SPAG17: variants seen among roughly 807,000 people sequenced by gnomAD.
SPAG17 encodes sperm associated antigen 17, also known as sperm-associated antigen 17.
In SPAG17, 169 loss-of-function variants were observed where a neutral mutation model predicts 273.6. The ratio of observed to expected loss-of-function variants is 0.62; its 90% CI spans 0.55 to 0.70. The LOEUF is 0.70. Among genes scored for constraint, SPAG17 ranks in the 30% least tolerant of loss-of-function variants. The pLI, the probability that SPAG17 is intolerant of heterozygous loss-of-function variation, is 0.00. For missense variants in SPAG17, 2,557 were observed against 2,627.8 expected, an observed-to-expected ratio of 0.97 and a Z score of 0.59; for synonymous variants, 825 against 873.2, an observed-to-expected ratio of 0.94 and a Z score of 0.97.
intron 3 of SPAG17, among the ~76,000 whole-genome samples, chr1:118,145,554 G>A (rs1362949799): frequency 1.3e-5 from 2 of 151,980 alleles, no homozygotes; most frequent in Non-Finnish European, 2.9e-5. Context: ...AACTGCATTT[G>A]GTCCATTATT....
chr1:118,039,438 G>A lies in SPAG17; in HGVS notation c.3173C>T (p.Thr1058Ile), dbSNP rs752439820. The A allele has an allele frequency of 6.2e-7, 1 of 1,613,020 alleles. No homozygotes were observed. The highest frequency in any genetic ancestry group is 1.3e-5 in the African/African-American group (1 of 74,822). The change falls in exon 23 of 49, where the codon ACT (threonine) becomes ATT (isoleucine). Residue 1058 changes from threonine (T) to isoleucine (I), a missense_variant. Thr to Ile is a moderately conservative substitution (Grantham distance 89, BLOSUM62 -1). Transcript: ENST00000336338. ...VEKTMFEKGP[T>I]FIKVRVVKDN... ...CTTTACCACTCTCACTTTGATAAAA[G>A]TTGGGCCTGAGGAGGAACCATAGAA...
intron 3 of SPAG17, among the ~76,000 whole-genome samples, chr1:118,129,620 A>C: frequency 6.6e-6 from 1 of 150,688 alleles, no homozygotes; most frequent in Non-Finnish European, 1.5e-5. Flanking sequence ...TATTTCCTTA[A>C]TTTCTTTCTC....
intron 46 of SPAG17, 73 bp downstream of exon 46, chr1:117,969,983 A>G (rs1212265360): frequency 1.7e-5 from 23 of 1,379,648 alleles, no homozygotes; most frequent in Middle Eastern, 1.8e-4. Context: ...TTCAAAGCCC[A>G]CTTCACTGGA....
intron 4 of SPAG17, among the ~76,000 whole-genome samples, chr1:118,112,613 T>G (rs1428673064): frequency 1.3e-5 from 2 of 152,128 alleles, no homozygotes; most frequent in Non-Finnish European, 2.9e-5. Context: ...TGCATTTTCT[T>G]CATGATATTT....
chr1:118,098,502 T>C lies in SPAG17; in HGVS notation c.830-651A>G, dbSNP rs187486450. 2.6e-4 allele frequency among the ~76,000 whole-genome samples: 40 copies of C among 151,838 alleles called. 1 individual carries two copies. The highest frequency in any genetic ancestry group is 2.6e-3 in the Admixed American group (39 of 15,250). ...CTATTATAAAGTCTATTTTTTAATA[T>C]TTTATTTTTATATATTAAATATTTT... On this transcript the variant is annotated intron_variant, in intron 6 of 48. Transcript: ENST00000336338.
intron 1 of SPAG17, among the ~76,000 whole-genome samples, chr1:118,182,900 G>A (rs1469244888): frequency 2.0e-5 from 3 of 152,068 alleles, no homozygotes; most frequent in Non-Finnish European, 4.4e-5. Context: ...AGAATGCTTT[G>A]TATTATTTGC....
At chr1:117,962,977 C>G (rs1225740883) in intron 48 of SPAG17, 1 of 152,234 alleles carries the variant, frequency 6.6e-6, no homozygotes, top group Non-Finnish European at 1.5e-5. Flanking sequence ...AATCCACCCC[C>G]ATTCCTCACA....
At position 118,064,417 on chromosome 1, in the gene SPAG17, A is replaced by T. The variant is rs377262745; in HGVS notation, c.2540+2328T>A. Among the ~76,000 whole-genome samples the T allele has an allele frequency of 2.6e-4, 39 of 150,940 alleles. 2 individuals are homozygous for T. The South Asian group carries it at 6.8e-3, about 26-fold the overall frequency. ...AATACTATGCAGCCATAAAAAATGA[A>T]GAGTTCATGTCCTTTGTAGGGACAT... On this transcript the variant is annotated intron_variant, in intron 18 of 48. Coordinates refer to ENST00000336338, the MANE Select transcript of SPAG17 (RefSeq NM_206996.4).
rs1654956158 is a variant in SPAG17 at position 118,085,919 on chromosome 1, C to T, written c.1762+3G>A. On this transcript the variant is annotated splice_donor_region_variant and intron_variant, in intron 13 of 48. Coordinates refer to ENST00000336338, the MANE Select transcript of SPAG17 (RefSeq NM_206996.4). ...TTAAGCTAAGACAAAGCAATGGACT[C>T]ACCACTCGTACAAAAGTGCATAAGC... The T allele has an allele frequency of 6.3e-7, 1 of 1,597,934 alleles. No homozygotes were observed. The highest frequency in any genetic ancestry group is 1.8e-5 in the Admixed American group (1 of 56,200).
At chr1:118,105,293 C>T (rs1417320042) in intron 4 of SPAG17, among the ~76,000 whole-genome samples, 5 of 152,144 alleles carry the variant, frequency 3.3e-5, no homozygotes, top group Non-Finnish European at 5.9e-5. Flanking sequence ...GGGGAGCAAG[C>T]TTACCGAGGT....
intron 48 of SPAG17, chr1:117,959,149 T>C: frequency 7.5e-7 from 1 of 1,327,052 alleles, no homozygotes; most frequent in Non-Finnish European, 1.0e-6. Flanking sequence ...TTAGTAGGAA[T>C]AGAAAAAACA....
At position 118,008,218 on chromosome 1, in the gene SPAG17, A is replaced by G. The variant is rs1374940491; in HGVS notation, c.4433-20T>C. ...CCTCGGCTACAAGCAAATGCAAGGT[A>G]AGCAGATCTGATAGGATGTAGACAT... On this transcript the variant is annotated intron_variant, in intron 30 of 48. Transcript: ENST00000336338. The G allele has an allele frequency of 1.2e-6, 2 of 1,612,846 alleles. No individual in the cohort carries two copies. Among genetic ancestry groups the G allele is most frequent in the Admixed American group, 1.7e-5 (1 of 59,858 alleles).
chr1:117,984,715 T>C lies in SPAG17; in HGVS notation c.5737A>G (p.Lys1913Glu), dbSNP rs1336945135. 3.7e-6 allele frequency: 6 copies of C among 1,609,738 alleles called. No homozygotes were observed. The highest frequency in any genetic ancestry group is 5.1e-6 in the Non-Finnish European group (6 of 1,176,750). ...TGATATAACTGGTTCAATTCAGATT[T>C]AAAAAAGGGTGGTATTATGCGGTTC... ...IKNRIIPPFFKSELNQLYQSQ... is the reference protein window; with the variant it reads ...IKNRIIPPFFESELNQLYQSQ... Residue 1913 changes from lysine (K) to glutamate (E), a missense_variant, in exon 41 of 49, where the codon AAA becomes GAA. Coordinates refer to ENST00000336338, the MANE Select transcript of SPAG17 (RefSeq NM_206996.4).
chr1:118,031,553 G>A (rs1357226133), intron 25 of SPAG17, 139 bp downstream of exon 25: 3 of 888,592 alleles, frequency 3.4e-6, no homozygotes, highest in Non-Finnish European at 5.1e-6. Flanking sequence ...ATTCAAAGTT[G>A]AGACTACAAG....
intron 48 of SPAG17, chr1:117,958,938 CAAA>C (rs754420773): frequency 6.2e-7 from 1 of 1,613,846 alleles, no homozygotes; most frequent in Non-Finnish European, 8.5e-7. Context: ...CACTAGCAAT[CAAA>C]TGCTTGTGCC....
At chr1:118,102,516 A>C (rs528812534) in intron 4 of SPAG17, among the ~76,000 whole-genome samples, 1 of 152,336 alleles carries the variant, frequency 6.6e-6, no homozygotes, top group East Asian at 1.9e-4. Context: ...ATCCTACTGA[A>C]GAATGTGCAG....
intron 17 of SPAG17, among the ~76,000 whole-genome samples, chr1:118,068,087 T>A (rs1653163602): frequency 6.6e-6 from 1 of 151,956 alleles, no homozygotes; most frequent in South Asian, 2.1e-4. Context: ...CAATATCAAT[T>A]TGCTGAGGCA....
chr1:118,075,834 T>G (rs1654035345), intron 15 of SPAG17, among the ~76,000 whole-genome samples: 2 of 152,124 alleles, frequency 1.3e-5, no homozygotes, highest in African/African-American at 4.8e-5. Flanking sequence ...TGCCCTTAGC[T>G]GTTCACCTTT....
intron 12 of SPAG17, 51 bp from the exon 13 acceptor site, chr1:118,086,123 G>T: frequency 6.4e-7 from 1 of 1,554,030 alleles, no homozygotes; most frequent in Admixed American, 1.8e-5. Flanking sequence ...GCTGTTAAGT[G>T]CCTTATGCAT....
Sources: allele counts gnomAD v4.1 joint callset (sites outside exome capture counted in the v4.1 genomes callset), GRCh38; gene constraint gnomAD v4.1.1; transcripts MANE v1.5; gene names NCBI Gene and HGNC (gene_info 2026-07-23, HGNC 2026-07-21).